The following CTNNA3 variants were observed in gnomAD, a reference collection of about 807,000 sequenced individuals.
CTNNA3 encodes the protein catenin alpha-3.
Under a neutral mutation model 95.7 loss-of-function variants are expected in CTNNA3, and 76 were observed. That is an observed-to-expected ratio of 0.79 (90% CI 0.66 to 0.96). The LOEUF (loss-of-function observed/expected upper bound fraction) is 0.96. Among genes scored for constraint, CTNNA3 ranks in the 40% least tolerant of loss-of-function variants. The probability of loss-of-function intolerance (pLI) is 0.00; values close to 1 mark genes in which losing one functional copy is unlikely to be tolerated. For synonymous variants in CTNNA3, 431 were observed against 374.4 expected (o/e 1.15, Z -1.74); for missense variants, 1,191 against 1,089.8 (o/e 1.09, Z -1.31).
intron 5 of CTNNA3, among the ~76,000 whole-genome samples, chr10:67,443,385 T>C (rs994939955): frequency 1.4e-5 from 2 of 144,180 alleles, no homozygotes; most frequent in Non-Finnish European, 3.1e-5. Context: ...ACTTCCACAA[T>C]GGTTGAACTA....
At chr10:67,090,730 T>C (rs1262777604) in intron 7 of CTNNA3, among the ~76,000 whole-genome samples, 1 of 151,990 alleles carries the variant, frequency 6.6e-6, no homozygotes, top group African/African-American at 2.4e-5. Context: ...TAGAGACGTG[T>C]CCAGGCCACG....
chr10:67,695,038 C>A (rs889533451), intron 1 of CTNNA3, among the ~76,000 whole-genome samples: 5 of 152,106 alleles, frequency 3.3e-5, no homozygotes, highest in Admixed American at 3.3e-4. Flanking sequence ...ATAGCACACT[C>A]AAATATGCCA....
chr10:67,529,448 C>T (rs1840250583), intron 4 of CTNNA3, among the ~76,000 whole-genome samples: 1 of 136,652 alleles, frequency 7.3e-6, no homozygotes, highest in Admixed American at 8.2e-5. Flanking sequence ...TATATGAGAA[C>T]ACATGGACAC....
rs150679377 is a variant in CTNNA3, at chr10:66,580,818, A to G, written c.1374+40874T>C. Among the ~76,000 whole-genome samples, 813 of 151,870 alleles carry G rather than the reference A, an allele frequency of 5.4e-3. 19 individuals carry two copies. Among genetic ancestry groups the G allele is most frequent in the Admixed American group, 0.038 (583 of 15,228 alleles). The stretch of plus-strand genomic sequence containing the variant: ...GTTCTCAGTTACATGGATGAATTGT[A>G]TAATGGTGAAGTCTAGGATATTAGT... On this transcript the variant is annotated intron_variant, in intron 10 of 17. Coordinates refer to ENST00000433211, the MANE Select transcript of CTNNA3 (RefSeq NM_013266.4).
At chr10:66,433,188 G>A (rs748506714) in intron 11 of CTNNA3, among the ~76,000 whole-genome samples, 5 of 152,108 alleles carry the variant, frequency 3.3e-5, no homozygotes, top group Non-Finnish European at 7.4e-5. Context: ...TGGGTCAAAT[G>A]GCATTTCTGG....
At chr10:66,640,189 T>C (rs866571432) in intron 9 of CTNNA3, among the ~76,000 whole-genome samples, 1 of 152,164 alleles carries the variant, frequency 6.6e-6, no homozygotes, top group African/African-American at 2.4e-5. Context: ...CTCCCCTCTA[T>C]TGCATATCAC....
At chr10:67,408,608 T>G (rs1043232734) in intron 5 of CTNNA3, among the ~76,000 whole-genome samples, 6 of 152,008 alleles carry the variant, frequency 3.9e-5, no homozygotes, top group Non-Finnish European at 7.4e-5. Flanking sequence ...AAGACTTAAA[T>G]GTAAAACCCA....
At chr10:66,446,038 A>G (rs1299715551) in intron 11 of CTNNA3, among the ~76,000 whole-genome samples, 4 of 152,210 alleles carry the variant, frequency 2.6e-5, no homozygotes, top group African/African-American at 4.8e-5. Context: ...AGAGAATACT[A>G]TTAACACCTC....
intron 15 of CTNNA3, among the ~76,000 whole-genome samples, chr10:66,018,719 T>G (rs1037812403): frequency 6.6e-6 from 1 of 152,250 alleles, no homozygotes; most frequent in African/African-American, 2.4e-5. Flanking sequence ...AGAGGAATTA[T>G]CTTTTCTATC....
At position 67,685,876 on chromosome 10, in the gene CTNNA3, G is replaced by C. The variant is rs149201233; in HGVS notation, c.-6+10124C>G. Among the ~76,000 whole-genome samples, 1,408 of 151,316 alleles carry C rather than the reference G, an allele frequency of 9.3e-3. 24 individuals carry two copies. Among genetic ancestry groups the C allele is most frequent in the African/African-American group, 0.033 (1,339 of 41,176 alleles). ...TGTCTCTCTGTATCTTCCTCTCTCT[G>C]TCTCTCTCTTTGACTCCTTCTTTGT... is the stretch of plus-strand genomic sequence containing the variant. On this transcript the variant is annotated intron_variant, in intron 1 of 17. Transcript: ENST00000433211.
At chr10:67,627,647 T>C (rs1839002585) in intron 2 of CTNNA3, among the ~76,000 whole-genome samples, 2 of 152,312 alleles carry the variant, frequency 1.3e-5, no homozygotes, top group South Asian at 4.1e-4. Flanking sequence ...ATAGTTTAGA[T>C]AATTTTGACA....
chr10:67,642,749 G>C (rs1839580299), intron 2 of CTNNA3, among the ~76,000 whole-genome samples: 1 of 151,906 alleles, frequency 6.6e-6, no homozygotes, highest in African/African-American at 2.4e-5. Context: ...CTGATCATCG[G>C]AGAAATGCAA....
At chr10:66,047,356 T>A (rs996163525) in intron 15 of CTNNA3, among the ~76,000 whole-genome samples, 13 of 152,274 alleles carry the variant, frequency 8.5e-5, no homozygotes, top group Non-Finnish European at 1.6e-4. Flanking sequence ...ATTCATCACA[T>A]AAACGGAACT....
intron 10 of CTNNA3, among the ~76,000 whole-genome samples, chr10:66,578,533 T>G (rs1843077714): frequency 6.6e-6 from 1 of 152,012 alleles, no homozygotes; most frequent in Admixed American, 6.6e-5. Flanking sequence ...CGAAGGAATG[T>G]TCAACTGTAT....
chr10:66,566,162 C>T (rs1842699430), intron 10 of CTNNA3, among the ~76,000 whole-genome samples: 2 of 152,056 alleles, frequency 1.3e-5, no homozygotes, highest in South Asian at 4.1e-4. Context: ...AAGAGTAGAG[C>T]CTGCAGGCAT....
At chr10:67,667,832 A>C (rs886364129) in intron 1 of CTNNA3, among the ~76,000 whole-genome samples, 12 of 152,134 alleles carry the variant, frequency 7.9e-5, no homozygotes, top group African/African-American at 2.9e-4. Flanking sequence ...TTATATCTTC[A>C]ATTTTCTAAA....
chr10:67,748,947 G>C (rs1841387571), intron 1 of CTNNA3, among the ~76,000 whole-genome samples: 1 of 152,010 alleles, frequency 6.6e-6, no homozygotes, highest in Non-Finnish European at 1.5e-5. Context: ...TCAAAATAAA[G>C]GGATGGAGGA....
intron 13 of CTNNA3, among the ~76,000 whole-genome samples, chr10:66,122,823 C>T (rs1478419040): frequency 6.6e-6 from 1 of 152,174 alleles, no homozygotes; most frequent in Admixed American, 6.5e-5. Flanking sequence ...GAGAACTCCT[C>T]TTTTTAAAAC....
intron 7 of CTNNA3, among the ~76,000 whole-genome samples, chr10:67,091,962 T>A (rs1857669886): frequency 6.6e-6 from 1 of 152,008 alleles, no homozygotes; most frequent in East Asian, 1.9e-4. Flanking sequence ...ATTTCTTATT[T>A]TATATGTTAG....
Sources: allele counts gnomAD v4.1 joint callset (sites outside exome capture counted in the v4.1 genomes callset), GRCh38; gene constraint gnomAD v4.1.1; transcripts MANE v1.5; gene names NCBI Gene and HGNC (gene_info 2026-07-23, HGNC 2026-07-21).